DCAF6: variants seen among roughly 807,000 people sequenced by gnomAD.
DCAF6 encodes DDB1- and CUL4-associated factor 6.
Under a neutral mutation model 125.1 loss-of-function variants are expected in DCAF6, and 54 were observed. The ratio of observed to expected loss-of-function variants is 0.43; its 90% CI spans 0.35 to 0.54. The LOEUF is 0.54. Among genes scored for constraint, DCAF6 ranks in the 20% least tolerant of loss-of-function variants. DCAF6 has a pLI of 0.01. For synonymous variants in DCAF6, 371 were observed against 390.4 expected (o/e 0.95, Z 0.58); for missense variants, 934 against 1,161.7 (o/e 0.80, Z 2.85).
chr1:168,070,042 TC>T (rs1326019807), intron 21 of DCAF6, among the ~76,000 whole-genome samples: 2 of 152,138 alleles, frequency 1.3e-5, no homozygotes, highest in African/African-American at 4.8e-5. Flanking sequence ...TAATTCTCTT[TC>T]CAGTTGCACA....
At chr1:168,020,556 A>G (rs1225692612) in intron 11 of DCAF6, among the ~76,000 whole-genome samples, 1 of 152,176 alleles carries the variant, frequency 6.6e-6, no homozygotes, top group Non-Finnish European at 1.5e-5. Flanking sequence ...TAAACACTTC[A>G]AATAAGCTGA....
chr1:167,902,066 A>AG, the DCAF6 span: 20 of 1,612,938 alleles, frequency 1.2e-5, no homozygotes, highest in South Asian at 2.2e-4. Flanking sequence ...TGAGAAAAAA[A>AG]AAAAAAATTA....
chr1:167,973,195 CTAGT>C (rs1252129172), intron 3 of DCAF6, among the ~76,000 whole-genome samples: 1 of 152,156 alleles, frequency 6.6e-6, no homozygotes, highest in Non-Finnish European at 1.5e-5. Context: ...ACATGTCAGG[CTAGT>C]TATTTTACAG....
the DCAF6 span, among the ~76,000 whole-genome samples, chr1:167,925,456 T>TATATATATATATATATATACATATAC: frequency 5.4e-5 from 6 of 111,910 alleles, no homozygotes; most frequent in Admixed American, 1.9e-4. Context: ...TATATATATA[T>TATATATATATATATATATACATATAC]ATATATATAT....
At chr1:167,927,113 T>C in the DCAF6 span, among the ~76,000 whole-genome samples, 1 of 152,238 alleles carries the variant, frequency 6.6e-6, no homozygotes, top group Admixed American at 6.5e-5. Context: ...GGATAGATGC[T>C]AATCAAAGAT....
At chr1:167,880,559 G>A in the DCAF6 span, 43 of 1,613,960 alleles carry the variant, frequency 2.7e-5, no homozygotes, top group Admixed American at 1.7e-4. Context: ...GAGTGAGCTC[G>A]TCAGGTACCT....
At chr1:167,970,398 C>G (rs184114928) in intron 3 of DCAF6, among the ~76,000 whole-genome samples, 2 of 152,290 alleles carry the variant, frequency 1.3e-5, no homozygotes, top group East Asian at 3.9e-4. Context: ...CGCTTATAAT[C>G]CCAGCACTTT....
At chr1:168,014,996 A>C (rs370330569) in intron 10 of DCAF6, among the ~76,000 whole-genome samples, 8 of 152,172 alleles carry the variant, frequency 5.3e-5, no homozygotes, top group Non-Finnish European at 1.2e-4. Flanking sequence ...CATATGTTCA[A>C]CATCATGTGT....
chr1:167,890,286 G>A, the DCAF6 span, among the ~76,000 whole-genome samples: 2 of 152,076 alleles, frequency 1.3e-5, no homozygotes, highest in Non-Finnish European at 2.9e-5. Context: ...GTGCAGTAAT[G>A]CTATGGTTCT....
rs1571981332 is a variant in DCAF6, at chr1:168,023,029, T to C, written c.1591T>C (p.Ser531Pro). The C allele has an allele frequency of 6.2e-7, 1 of 1,614,222 alleles. No individual in the cohort carries two copies. Among genetic ancestry groups the C allele is most frequent in the Non-Finnish European group, 8.5e-7 (1 of 1,180,040 alleles). ...GGTTAACAAACAGCTCGGATCCATG[T>C]CACTTGACGAGCAACAGGGTGCGTG... ...SVVNKQLGSM[S>P]LDEQQDNNNE... The change falls in exon 12 of 22, where the codon TCA (serine) becomes CCA (proline). Residue 531 changes from serine to proline, a missense_variant. This residue lies in a region of DCAF6 where 559 missense variants were observed against 635.5 expected (regional missense o/e 0.88). Coordinates refer to ENST00000367840, the MANE Select transcript of DCAF6 (RefSeq NM_001198956.2).
At chr1:168,071,440 TAAAAATA>T (rs539917224) in intron 21 of DCAF6, among the ~76,000 whole-genome samples, 215 of 151,726 alleles carry the variant, frequency 1.4e-3, no homozygotes, top group Non-Finnish European at 2.5e-3. Context: ...CCCGTCTCTA[TAAAAATA>T]AAAAATAAAA....
At chr1:167,904,082 CTTT>C in the DCAF6 span, 9,016 of 349,958 alleles carry the variant, frequency 0.026, no homozygotes, top group Middle Eastern at 0.036. Flanking sequence ...CGGGCCTCAG[CTTT>C]TTTTTTTTTT....
At chr1:167,895,326 C>T in the DCAF6 span, among the ~76,000 whole-genome samples, 1 of 152,128 alleles carries the variant, frequency 6.6e-6, no homozygotes, top group Admixed American at 6.5e-5. Flanking sequence ...AGGCTTTCTC[C>T]TTCATCTCTG....
the DCAF6 span, among the ~76,000 whole-genome samples, chr1:167,897,304 T>C: frequency 2.8e-5 from 4 of 145,158 alleles, no homozygotes; most frequent in South Asian, 2.2e-4. Context: ...TGGGTAACAA[T>C]GGTGAAATCC....
chr1:167,997,115 A>C (rs1179831591), intron 7 of DCAF6, among the ~76,000 whole-genome samples: 2 of 152,172 alleles, frequency 1.3e-5, no homozygotes, highest in Non-Finnish European at 2.9e-5. Context: ...GGTGCTCAAA[A>C]AATATTTGGT....
chr1:167,914,050 G>C, the DCAF6 span: 1 of 152,310 alleles, frequency 6.6e-6, no homozygotes, highest in South Asian at 2.1e-4. Flanking sequence ...CAGAAGACAG[G>C]AGAGGAGGCC....
At chr1:167,988,948 C>T (rs1329462579) in intron 5 of DCAF6, among the ~76,000 whole-genome samples, 2 of 151,948 alleles carry the variant, frequency 1.3e-5, no homozygotes, top group Non-Finnish European at 2.9e-5. Context: ...GGCGTGGTGG[C>T]AGGTGCCTGT....
At chr1:167,976,989 T>C (rs1678335021) in intron 4 of DCAF6, among the ~76,000 whole-genome samples, 1 of 137,690 alleles carries the variant, frequency 7.3e-6, no homozygotes, top group Non-Finnish European at 1.5e-5. Flanking sequence ...CCACAACCTC[T>C]GCCTCCTGGG....
chr1:168,023,124 C>G, intron 12 of DCAF6, 77 bp downstream of exon 12: 1 of 1,375,552 alleles, frequency 7.3e-7, no homozygotes, highest in South Asian at 1.2e-5. Context: ...TCTCTCACAC[C>G]TTTCGTAGCA....
Sources: allele counts gnomAD v4.1 joint callset (sites outside exome capture counted in the v4.1 genomes callset), GRCh38; gene constraint gnomAD v4.1.1; regional missense constraint gnomAD v4.1.1; transcripts MANE v1.5; gene names NCBI Gene and HGNC (gene_info 2026-07-23, HGNC 2026-07-21).